The following SLC35F4 variants were observed in gnomAD, a reference collection of about 807,000 sequenced individuals.
The protein encoded by SLC35F4 is chromosome 14 open reading frame 36.
In SLC35F4, 24 loss-of-function variants were observed where a neutral mutation model predicts 44.2. The ratio of observed to expected loss-of-function variants is 0.54; its 90% CI spans 0.39 to 0.76. SLC35F4 has a LOEUF of 0.76. Among genes scored for constraint, SLC35F4 ranks in the 30% least tolerant of loss-of-function variants. The pLI is 0.00. For missense variants in SLC35F4, 562 were observed against 586.1 expected (o/e 0.96, Z 0.42); for synonymous variants, 238 against 223.6 (o/e 1.06, Z -0.57).
chr14:57,777,527 A>G (rs1322818068), intron 1 of SLC35F4, among the ~76,000 whole-genome samples: 3 of 152,110 alleles, frequency 2.0e-5, no homozygotes, highest in African/African-American at 7.2e-5. Flanking sequence ...TATCACAGGG[A>G]CAGAAAACCA....
At chr14:57,749,979 GTATC>G (rs56699570) in intron 1 of SLC35F4, among the ~76,000 whole-genome samples, 6,851 of 152,050 alleles carry the variant, frequency 0.045, 373 homozygotes, top group East Asian at 0.18. Context: ...GGATTTTAGG[GTATC>G]TATCACCCTA....
At chr14:57,648,207 T>A (rs1470289992) in intron 1 of SLC35F4, among the ~76,000 whole-genome samples, 1 of 152,148 alleles carries the variant, frequency 6.6e-6, no homozygotes, top group African/African-American at 2.4e-5. Context: ...AAATGATACA[T>A]CATCATCATT....
At chr14:57,887,879 A>ACACATG (rs1455610529) in intron 1 of SLC35F4, among the ~76,000 whole-genome samples, 1 of 152,206 alleles carries the variant, frequency 6.6e-6, no homozygotes, top group Non-Finnish European at 1.5e-5. Flanking sequence ...CAACACACAC[A>ACACATG]CACATGCACA....
At chr14:57,610,461 A>C (rs1475140346) in intron 1 of SLC35F4, among the ~76,000 whole-genome samples, 1 of 152,152 alleles carries the variant, frequency 6.6e-6, no homozygotes, top group African/African-American at 2.4e-5. Context: ...ATCTGGACTC[A>C]ATAATGGTGA....
chr14:57,874,452 T>G (rs1406121600), intron 1 of SLC35F4, among the ~76,000 whole-genome samples: 2 of 152,202 alleles, frequency 1.3e-5, no homozygotes, highest in Non-Finnish European at 2.9e-5. Context: ...AGGATCACTT[T>G]CTCAAAGTAC....
chr14:57,853,298 T>A (rs939270140), intron 1 of SLC35F4, among the ~76,000 whole-genome samples: 1 of 152,164 alleles, frequency 6.6e-6, no homozygotes, highest in African/African-American at 2.4e-5. Flanking sequence ...TTATCTAGAT[T>A]CACTCTAAGG....
At chr14:57,912,648 A>C (rs1482984773) in intron 1 of SLC35F4, among the ~76,000 whole-genome samples, 1 of 151,954 alleles carries the variant, frequency 6.6e-6, no homozygotes, top group Non-Finnish European at 1.5e-5. Flanking sequence ...CATGATTTCT[A>C]TTCCCTTAAA....
intron 1 of SLC35F4, among the ~76,000 whole-genome samples, chr14:57,709,803 G>A (rs1156982283): frequency 1.3e-5 from 2 of 152,176 alleles, no homozygotes; most frequent in African/African-American, 2.4e-5. Context: ...GCATTCAGAG[G>A]TGACTTGAGT....
chr14:57,834,746 A>G (rs6573170), intron 1 of SLC35F4, among the ~76,000 whole-genome samples: 63,576 of 152,166 alleles, frequency 0.42, 16,109 homozygotes, highest in African/African-American at 0.69. Context: ...TAGGCCGGGC[A>G]CAGTGGCTCA....
intron 1 of SLC35F4, among the ~76,000 whole-genome samples, chr14:57,915,130 C>A (rs568468662): frequency 6.6e-6 from 1 of 152,128 alleles, no homozygotes; most frequent in Admixed American, 6.5e-5. Flanking sequence ...TGAGGCCACT[C>A]GAACCATAGC....
At chr14:57,777,180 G>A (rs62003431) in intron 1 of SLC35F4, among the ~76,000 whole-genome samples, 3,294 of 152,288 alleles carry the variant, frequency 0.022, 54 homozygotes, top group African/African-American at 0.048. Flanking sequence ...CTGTTGGTGC[G>A]AGTGTAAACT....
Position 57,589,291 on chromosome 14 carries a change from A to G in SLC35F4, c.512T>C (p.Ile171Thr). Residue 171 changes from isoleucine to threonine, a missense_variant, in exon 3 of 8, where the codon ATT becomes ACT. Coordinates refer to ENST00000556826, the MANE Select transcript of SLC35F4 (RefSeq NM_001306087.2). ...AGAATAATAGACTGGGAAAAACATA[A>G]TGTTCCAGTTTGTTGAAAACCAAGT... ...FMTWFSTNWN[I>T]MFFPVYYSGH... 6.2e-7 allele frequency: 1 copy of G among 1,613,998 alleles called. No individual in the cohort carries two copies. Among genetic ancestry groups the G allele is most frequent in the Non-Finnish European group, 8.5e-7 (1 of 1,179,886 alleles).
rs567868321 is a variant in SLC35F4 at position 57,792,690 on chromosome 14, C to G, written c.103+73033G>C. Among the ~76,000 whole-genome samples the G allele has an allele frequency of 1.4e-4, 21 of 152,192 alleles. No individual in the cohort carries two copies. In the South Asian group the frequency reaches 4.4e-3, roughly 32 times the overall value. ...AGTCACTCAGATATGGAAAACCAAA[C>G]ATCGTGTGTTCTCACTTATAAGTGG... is the stretch of plus-strand genomic sequence containing the variant. On this transcript the variant is annotated intron_variant, in intron 1 of 7. Transcript: ENST00000556826.
At chr14:57,785,269 A>G (rs1157706996) in intron 1 of SLC35F4, among the ~76,000 whole-genome samples, 3 of 152,218 alleles carry the variant, frequency 2.0e-5, no homozygotes, top group Admixed American at 2.0e-4. Context: ...CCCAGATGGC[A>G]GCTATGGTAT....
At chr14:57,737,650 A>G (rs772809866) in intron 1 of SLC35F4, among the ~76,000 whole-genome samples, 6 of 152,228 alleles carry the variant, frequency 3.9e-5, no homozygotes, top group Admixed American at 6.5e-5. Flanking sequence ...AGATTCTGAC[A>G]TATCCTCTCT....
intron 1 of SLC35F4, among the ~76,000 whole-genome samples, chr14:57,695,891 G>C (rs963553014): frequency 4.6e-5 from 7 of 151,950 alleles, no homozygotes; most frequent in African/African-American, 1.7e-4. Flanking sequence ...TGAAACTGGA[G>C]ACTTTTATAT....
intron 1 of SLC35F4, among the ~76,000 whole-genome samples, chr14:57,679,386 G>A (rs928773498): frequency 1.3e-5 from 2 of 152,080 alleles, no homozygotes; most frequent in Admixed American, 6.6e-5. Context: ...TTTATAGAGG[G>A]AAATGTACAG....
intron 1 of SLC35F4, among the ~76,000 whole-genome samples, chr14:57,830,739 G>A (rs1378631103): frequency 6.6e-6 from 1 of 152,156 alleles, no homozygotes; most frequent in Non-Finnish European, 1.5e-5. Context: ...TATCTATGAG[G>A]AGGGAAGCTG....
intron 1 of SLC35F4, among the ~76,000 whole-genome samples, chr14:57,625,009 C>G (rs1306504476): frequency 1.3e-5 from 2 of 152,182 alleles, no homozygotes; most frequent in Non-Finnish European, 2.9e-5. Context: ...AAGAGGAAGT[C>G]AAATTGTCTC....
Sources: allele counts gnomAD v4.1 joint callset (sites outside exome capture counted in the v4.1 genomes callset), GRCh38; gene constraint gnomAD v4.1.1; transcripts MANE v1.5; gene names NCBI Gene and HGNC (gene_info 2026-07-23, HGNC 2026-07-21).